The following KLHL1 variants were observed in gnomAD, a reference collection of about 807,000 sequenced individuals.
KLHL1 encodes kelch-like protein 1.
A neutral mutation model predicts 77.7 loss-of-function variants in KLHL1; 47 were observed. The ratio of observed to expected loss-of-function variants is 0.60; its 90% CI spans 0.48 to 0.77. KLHL1 has a LOEUF of 0.77. Ranked by LOEUF, KLHL1 falls within the 30% of genes least tolerant of loss-of-function variation. KLHL1 has a pLI of 0.00. For missense variants in KLHL1, 925 were observed against 910.8 expected (o/e 1.02, Z -0.20); for synonymous variants, 360 against 325.2 (o/e 1.11, Z -1.15).
chr13:69,919,335 A>T (rs1882555396), intron 4 of KLHL1, among the ~76,000 whole-genome samples: 1 of 152,080 alleles, frequency 6.6e-6, no homozygotes. Flanking sequence ...TTGAATACAG[A>T]GATTTGTATC....
chr13:69,961,067 C>T (rs1884048702), intron 3 of KLHL1, among the ~76,000 whole-genome samples: 2 of 151,940 alleles, frequency 1.3e-5, no homozygotes, highest in Admixed American at 6.6e-5. Flanking sequence ...CCAGGTTCTA[C>T]TATTTACATA....
At chr13:69,710,692 T>C (rs1034526239) in intron 9 of KLHL1, among the ~76,000 whole-genome samples, 1 of 152,120 alleles carries the variant, frequency 6.6e-6, no homozygotes, top group Non-Finnish European at 1.5e-5. Flanking sequence ...TCTACAGATG[T>C]ATAAGCATTG....
At chr13:69,804,296 TA>T (rs201203188) in intron 6 of KLHL1, among the ~76,000 whole-genome samples, 38,478 of 151,026 alleles carry the variant, frequency 0.25, 4,931 homozygotes, top group South Asian at 0.33. Flanking sequence ...TAGACAAATA[TA>T]ATTTTTTTGT....
At chr13:70,058,906 A>G (rs1238259355) in intron 1 of KLHL1, among the ~76,000 whole-genome samples, 1 of 152,172 alleles carries the variant, frequency 6.6e-6, no homozygotes, top group Non-Finnish European at 1.5e-5. Context: ...AAACAAATCC[A>G]TATGTCTACA....
At chr13:70,030,156 C>A (rs1198449708) in intron 1 of KLHL1, among the ~76,000 whole-genome samples, 1 of 152,084 alleles carries the variant, frequency 6.6e-6, no homozygotes, top group East Asian at 1.9e-4. Context: ...GAGACTTTAA[C>A]ACCCCACTGT....
intron 3 of KLHL1, among the ~76,000 whole-genome samples, chr13:69,956,410 T>C (rs1015667242): frequency 1.3e-5 from 2 of 151,128 alleles, no homozygotes; most frequent in East Asian, 1.9e-4. Context: ...TATGCTTAAA[T>C]TGTGAGGCAC....
chr13:69,882,439 C>G lies in KLHL1; in HGVS notation c.1071G>C (p.Glu357Asp), dbSNP rs759210435. The change falls in exon 5 of 11, where the codon GAG becomes GAC. Residue 357 changes from glutamate (E) to aspartate (D), a missense_variant. Transcript: ENST00000377844. Reference sequence around the variant, plus strand: ...CATCACTGGCCAGTAGTTTATGGAGCTCCTCAGCTGGAAGGAGTAAAAACT... The same window carrying G: ...CATCACTGGCCAGTAGTTTATGGAGGTCCTCAGCTGGAAGGAGTAAAAACT... ...NQEFLLLPAEELHKLLASDDV... is the reference protein window; with the variant it reads ...NQEFLLLPAEDLHKLLASDDV... 10 of 1,613,934 alleles carry G rather than the reference C, an allele frequency of 6.2e-6. No individual in the cohort carries two copies. Among genetic ancestry groups the G allele is most frequent in the Non-Finnish European group, 8.5e-6 (10 of 1,179,846 alleles).
At chr13:70,075,588 T>TAC (rs772766804) in intron 1 of KLHL1, among the ~76,000 whole-genome samples, 26 of 122,002 alleles carry the variant, frequency 2.1e-4, no homozygotes, top group African/African-American at 8.0e-4. Flanking sequence ...TATATATATA[T>TAC]ACACACACAC....
At chr13:69,774,196 A>G (rs116536273) in intron 7 of KLHL1, among the ~76,000 whole-genome samples, 1,727 of 152,062 alleles carry the variant, frequency 0.011, 35 homozygotes, top group African/African-American at 0.039. Context: ...ATTAATCATA[A>G]TGAACTATTT....
chr13:70,084,754 C>T (rs1180316812), intron 1 of KLHL1, among the ~76,000 whole-genome samples: 2 of 148,942 alleles, frequency 1.3e-5, no homozygotes, highest in East Asian at 2.0e-4. Flanking sequence ...GAATTACAGG[C>T]GTGAGCCACT....
At chr13:70,000,849 T>C (rs554373532) in intron 1 of KLHL1, among the ~76,000 whole-genome samples, 3 of 151,224 alleles carry the variant, frequency 2.0e-5, no homozygotes, top group African/African-American at 4.8e-5. Context: ...AAATTTTAAG[T>C]TCTAAAATCA....
chr13:69,855,337 T>C (rs374515986), intron 5 of KLHL1, among the ~76,000 whole-genome samples: 1,397 of 72,292 alleles, frequency 0.019, 24 homozygotes, highest in African/African-American at 0.07. Context: ...GATAGATAGA[T>C]AGATAGATAG....
chr13:69,880,123 T>C, intron 5 of KLHL1, among the ~76,000 whole-genome samples: 1 of 152,170 alleles, frequency 6.6e-6, no homozygotes, highest in East Asian at 1.9e-4. Context: ...GGCCAACCTA[T>C]GTTTGCAGGA....
chr13:70,021,959 T>C (rs1593680753), intron 1 of KLHL1, among the ~76,000 whole-genome samples: 1 of 152,166 alleles, frequency 6.6e-6, no homozygotes, highest in East Asian at 1.9e-4. Flanking sequence ...TTCATTCCCT[T>C]CTCTGTTGCA....
At chr13:69,774,932 A>C (rs1048146054) in intron 7 of KLHL1, among the ~76,000 whole-genome samples, 1 of 152,106 alleles carries the variant, frequency 6.6e-6, no homozygotes, top group East Asian at 1.9e-4. Context: ...CTAGGATACC[A>C]TTTTTCATTT....
At chr13:69,924,728 A>G (rs542514818) in intron 4 of KLHL1, among the ~76,000 whole-genome samples, 1 of 152,300 alleles carries the variant, frequency 6.6e-6, no homozygotes, top group East Asian at 1.9e-4. Flanking sequence ...CAAGAAGGAG[A>G]GAAGAGCAGC....
At chr13:69,980,137 C>G (rs928495242) in intron 1 of KLHL1, among the ~76,000 whole-genome samples, 2 of 152,196 alleles carry the variant, frequency 1.3e-5, no homozygotes, top group African/African-American at 4.8e-5. Context: ...TCTTTACTCT[C>G]TCTGTACCAA....
At chr13:70,005,395 T>C (rs9542155) in intron 1 of KLHL1, among the ~76,000 whole-genome samples, 101,603 of 151,916 alleles carry the variant, frequency 0.67, 34,188 homozygotes, top group Middle Eastern at 0.68. Flanking sequence ...GCAAGCCACA[T>C]GCAGCCCAAG....
chr13:69,840,698 A>ATATATATGTCTGTATG (rs976775077), intron 5 of KLHL1, among the ~76,000 whole-genome samples: 1 of 146,276 alleles, frequency 6.8e-6, no homozygotes, highest in Non-Finnish European at 1.5e-5. Flanking sequence ...ATATATATAT[A>ATATATATGTCTGTATG]TATGTATGTA....
Sources: allele counts gnomAD v4.1 joint callset (sites outside exome capture counted in the v4.1 genomes callset), GRCh38; gene constraint gnomAD v4.1.1; transcripts MANE v1.5; gene names NCBI Gene and HGNC (gene_info 2026-07-23, HGNC 2026-07-21).